CACNA2D3: variants seen among roughly 807,000 people sequenced by gnomAD.
CACNA2D3 encodes the protein voltage-dependent calcium channel subunit alpha-2/delta-3.
In CACNA2D3, 60 loss-of-function variants were observed where a neutral mutation model predicts 160.6. That is an observed-to-expected ratio of 0.37 (90% CI 0.30 to 0.46). The LOEUF is 0.46. Ranked by LOEUF, CACNA2D3 falls within the 20% of genes least tolerant of loss-of-function variation. CACNA2D3 has a pLI of 1.00. For missense variants in CACNA2D3, 1,205 were observed against 1,365.0 expected (o/e 0.88, Z 1.85); for synonymous variants, 558 against 492.9 (o/e 1.13, Z -1.75).
chr3:54,197,847 G>A (rs929794146), intron 2 of CACNA2D3, among the ~76,000 whole-genome samples: 4 of 152,212 alleles, frequency 2.6e-5, no homozygotes, highest in South Asian at 2.1e-4. Flanking sequence ...TGAAGGCTAC[G>A]TCTGAAATTC....
intron 4 of CACNA2D3, among the ~76,000 whole-genome samples, chr3:54,443,632 C>G (rs7434155): frequency 0.99 from 151,229 of 152,242 alleles, 75,122 homozygotes; most frequent in East Asian, 1. Flanking sequence ...TGGCCGACGA[C>G]CCTGGCATTT....
At chr3:54,858,212 G>A (rs548700825) in intron 17 of CACNA2D3, among the ~76,000 whole-genome samples, 82 of 152,152 alleles carry the variant, frequency 5.4e-4, no homozygotes, top group African/African-American at 1.9e-3. Flanking sequence ...CCCTTGTGGG[G>A]GAAATGAGCC....
At chr3:54,916,567 T>C (rs932113952) in intron 27 of CACNA2D3, among the ~76,000 whole-genome samples, 1 of 152,172 alleles carries the variant, frequency 6.6e-6, no homozygotes, top group Non-Finnish European at 1.5e-5. Context: ...TCTAGCAAAA[T>C]TGCTGCTCCA....
intron 13 of CACNA2D3, among the ~76,000 whole-genome samples, chr3:54,806,618 GC>G (rs1559588961): frequency 6.6e-6 from 1 of 152,152 alleles, no homozygotes; most frequent in African/African-American, 2.4e-5. Context: ...CGTGAGAATG[GC>G]CATGCTGCCC....
intron 5 of CACNA2D3, among the ~76,000 whole-genome samples, chr3:54,533,802 TG>T: frequency 2.0e-5 from 1 of 50,906 alleles, no homozygotes. Context: ...ATAGTGTGTG[TG>T]TGTGTGTGTG....
chr3:54,871,513 T>C, intron 17 of CACNA2D3, 26 bp from the exon 18 acceptor site: 4 of 1,582,446 alleles, frequency 2.5e-6, no homozygotes, highest in Non-Finnish European at 8.7e-7. Flanking sequence ...TTGTTTTTCT[T>C]TTCTTTTTCT....
chr3:54,145,980 A>G (rs560444869), intron 2 of CACNA2D3, among the ~76,000 whole-genome samples: 1 of 152,100 alleles, frequency 6.6e-6, no homozygotes, highest in South Asian at 2.1e-4. Context: ...GGTGGGCCTA[A>G]TCTCACTGTT....
At chr3:54,849,910 A>G (rs1575510451) in intron 17 of CACNA2D3, among the ~76,000 whole-genome samples, 1 of 152,216 alleles carries the variant, frequency 6.6e-6, no homozygotes, top group South Asian at 2.1e-4. Flanking sequence ...AATTTGTCCT[A>G]TAAAATCTTT....
At chr3:54,436,227 G>C (rs535659894) in intron 4 of CACNA2D3, among the ~76,000 whole-genome samples, 2 of 152,324 alleles carry the variant, frequency 1.3e-5, no homozygotes, top group Non-Finnish European at 2.9e-5. Flanking sequence ...ACCACAATGA[G>C]ATAACATCTC....
chr3:54,207,142 C>T (rs1701289518), intron 2 of CACNA2D3, among the ~76,000 whole-genome samples: 1 of 151,322 alleles, frequency 6.6e-6, no homozygotes, highest in Non-Finnish European at 1.5e-5. Context: ...GAAATGTAGT[C>T]TTCTTGGGTG....
At chr3:54,794,321 G>A (rs751252216) in intron 13 of CACNA2D3, among the ~76,000 whole-genome samples, 1 of 152,072 alleles carries the variant, frequency 6.6e-6, no homozygotes, top group Non-Finnish European at 1.5e-5. Context: ...ACTTACAACA[G>A]TATACCTGCA....
intron 13 of CACNA2D3, among the ~76,000 whole-genome samples, chr3:54,784,781 G>T (rs959093404): frequency 1.3e-5 from 2 of 152,194 alleles, no homozygotes; most frequent in African/African-American, 4.8e-5. Flanking sequence ...CAGGGGACCT[G>T]ACCCCAGATG....
intron 13 of CACNA2D3, among the ~76,000 whole-genome samples, chr3:54,801,606 A>G (rs1238321636): frequency 6.6e-6 from 1 of 152,198 alleles, no homozygotes; most frequent in African/African-American, 2.4e-5. Flanking sequence ...CATGAAGTTA[A>G]TTGAGATCAG....
At chr3:54,565,444 A>G (rs1300916586) in intron 6 of CACNA2D3, among the ~76,000 whole-genome samples, 1 of 152,156 alleles carries the variant, frequency 6.6e-6, no homozygotes, top group Non-Finnish European at 1.5e-5. Context: ...CCATTTCTGC[A>G]TGGCTTCACA....
rs543458318 is a variant in CACNA2D3 at position 54,880,257 on chromosome 3, C to T, written c.1845-539C>T. 1.1e-4 allele frequency among the ~76,000 whole-genome samples: 16 copies of T among 152,226 alleles called. No individual in the cohort carries two copies. In the South Asian group the frequency reaches 1.2e-3, roughly 12 times the overall value. ...CATAGTCTCTTGCTTTTGATAAAAA[C>T]GGAATGGATCTTAAATCAAGCCAGT... On this transcript the variant is annotated intron_variant, in intron 20 of 37. Coordinates refer to ENST00000474759, the MANE Select transcript of CACNA2D3 (RefSeq NM_018398.3).
intron 4 of CACNA2D3, among the ~76,000 whole-genome samples, chr3:54,452,062 G>A (rs766058961): frequency 6.6e-6 from 1 of 152,046 alleles, no homozygotes; most frequent in Admixed American, 6.5e-5. Context: ...TTTTACTAGC[G>A]ACATTCTGTT....
At chr3:54,559,512 C>T (rs58895198) in intron 5 of CACNA2D3, among the ~76,000 whole-genome samples, 8,458 of 152,120 alleles carry the variant, frequency 0.056, 679 homozygotes, top group African/African-American at 0.18. Flanking sequence ...AGGCTGTCCT[C>T]GAACTCCTGC....
chr3:54,716,677 A>C (rs1383064984), intron 11 of CACNA2D3, among the ~76,000 whole-genome samples: 1 of 152,086 alleles, frequency 6.6e-6, no homozygotes, highest in African/African-American at 2.4e-5. Context: ...GAGAAGTTCT[A>C]TCTGTAGCTA....
At chr3:54,859,205 C>G (rs1377409189) in intron 17 of CACNA2D3, among the ~76,000 whole-genome samples, 1 of 152,188 alleles carries the variant, frequency 6.6e-6, no homozygotes, top group Non-Finnish European at 1.5e-5. Context: ...TTTACATAAT[C>G]CTAAATGATA....
Sources: allele counts gnomAD v4.1 joint callset (sites outside exome capture counted in the v4.1 genomes callset), GRCh38; gene constraint gnomAD v4.1.1; transcripts MANE v1.5; gene names NCBI Gene and HGNC (gene_info 2026-07-23, HGNC 2026-07-21).